Variants in MORN1 observed in about 807,000 individuals in gnomAD.
MORN1 encodes the protein MORN repeat-containing protein 1.
Under a neutral mutation model 61.9 loss-of-function variants are expected in MORN1, and 67 were observed. The ratio of observed to expected loss-of-function variants is 1.08; its 90% CI spans 0.89 to 1.33. The LOEUF is 1.33. MORN1 is among the 40% of genes most tolerant of loss of function. The pLI is 0.00. For synonymous variants in MORN1, 301 were observed against 292.0 expected (o/e 1.03, Z -0.31); for missense variants, 752 against 691.2 (o/e 1.09, Z -0.99).
At chr1:2,344,770 A>T (rs1243960981) in intron 10 of MORN1, among the ~76,000 whole-genome samples, 1 of 152,178 alleles carries the variant, frequency 6.6e-6, no homozygotes, top group Non-Finnish European at 1.5e-5. Context: ...CTGCCTGCAG[A>T]GCCTGGGGGC....
Position 2,372,642 on chromosome 1 carries a change from C to G in MORN1, c.635-51G>C. On this transcript the variant is annotated intron_variant, in intron 7 of 13. Transcript: ENST00000378531. The surrounding 1 kb of genome is among the most constrained non-coding windows in gnomAD (Gnocchi z 5.4). Reference sequence around the variant, plus strand: ...AGCGGTGACTGGCATGGTCCCCCACCCACCCCATGGCTGAGTCAGCAGTGG... The same window carrying G: ...AGCGGTGACTGGCATGGTCCCCCACGCACCCCATGGCTGAGTCAGCAGTGG... 6.9e-7 allele frequency: 1 copy of G among 1,458,804 alleles called. No homozygotes were observed. The highest frequency in any genetic ancestry group is 9.5e-7 in the Non-Finnish European group (1 of 1,055,958). The allele number at this position is 1,458,804 out of a possible 1,614,324, so 90.4% of individuals were successfully genotyped here.
chr1:2,380,234 C>T (rs956761146), intron 6 of MORN1, among the ~76,000 whole-genome samples: 27 of 152,272 alleles, frequency 1.8e-4, no homozygotes, highest in African/African-American at 6.3e-4. Context: ...GTGGGGAGTT[C>T]GTGCTGGATG....
Position 2,321,763 on chromosome 1 carries a change from G to A in MORN1, c.1298-184C>T, listed in dbSNP as rs145386229. Among the ~76,000 whole-genome samples the A allele has an allele frequency of 5.1e-3, 774 of 152,242 alleles. 7 individuals carry two copies. The highest frequency in any genetic ancestry group is 0.018 in the African/African-American group (738 of 41,536). Reference sequence around the variant, plus strand: ...GACTGGCCACCGGACCGGTCCTGGGGGGCTGGACACACAGTCAGCATAGGT... The same window carrying A: ...GACTGGCCACCGGACCGGTCCTGGGAGGCTGGACACACAGTCAGCATAGGT... On this transcript the variant is annotated intron_variant, in intron 13 of 13. Coordinates refer to ENST00000378531, the MANE Select transcript of MORN1 (RefSeq NM_024848.3).
chr1:2,336,568 G>A lies in MORN1; in HGVS notation c.1171-20C>T. ...TGCCTTCTAGAAAGATTGGGCAGGAGGAGGGGAGAAGGAAAGGCTCAGAAG... is the reference window on the plus strand; with the variant it reads ...TGCCTTCTAGAAAGATTGGGCAGGAAGAGGGGAGAAGGAAAGGCTCAGAAG... On this transcript the variant is annotated intron_variant, in intron 11 of 13. Transcript: ENST00000378531. The A allele has an allele frequency of 1.2e-6, 2 of 1,611,986 alleles. No homozygotes were observed. The highest frequency in any genetic ancestry group is 1.1e-5 in the South Asian group (1 of 90,986).
Position 2,372,649 on chromosome 1 carries a change from A to C in MORN1, c.635-58T>G. ...ACTGGCATGGTCCCCCACCCACCCC[A>C]TGGCTGAGTCAGCAGTGGGCACCCC... On this transcript the variant is annotated intron_variant, in intron 7 of 13. Coordinates refer to ENST00000378531, the MANE Select transcript of MORN1 (RefSeq NM_024848.3). This position sits in a 1 kb window ranked among gnomAD's most constrained non-coding sequence, Gnocchi z 5.4. 1 of 1,401,000 alleles carries C rather than the reference A, an allele frequency of 7.1e-7. No homozygotes were observed. Among genetic ancestry groups the C allele is most frequent in the Non-Finnish European group, 9.9e-7 (1 of 1,009,662 alleles). The allele number at this position is 1,401,000 out of a possible 1,614,324, so 86.8% of individuals were successfully genotyped here. A position where few individuals can be genotyped will look rare whatever the true frequency, so the allele number is the denominator to read the frequency against.
chr1:2,370,203 C>T lies in MORN1; in HGVS notation c.745+2278G>A, dbSNP rs192013586. On this transcript the variant is annotated intron_variant, in intron 8 of 13. Transcript: ENST00000378531. ...CAGGCATCAACCCTGACTCTTAGGGCTGACTGATTTTCAACCAAGGTGCCA... is the reference window on the plus strand; with the variant it reads ...CAGGCATCAACCCTGACTCTTAGGGTTGACTGATTTTCAACCAAGGTGCCA... Among the ~76,000 whole-genome samples the T allele has an allele frequency of 7.9e-5, 12 of 152,290 alleles. No homozygotes were observed. In the East Asian group the frequency reaches 2.1e-3, roughly 27 times the overall value.
chr1:2,341,555 G>A (rs915636498), intron 10 of MORN1, among the ~76,000 whole-genome samples: 3 of 152,170 alleles, frequency 2.0e-5, no homozygotes, highest in Admixed American at 6.5e-5. Context: ...GCCAGGTGTG[G>A]TGGCAGGTGC....
chr1:2,340,052 G>A (rs965344032), intron 10 of MORN1, among the ~76,000 whole-genome samples: 1 of 152,234 alleles, frequency 6.6e-6, no homozygotes, highest in Non-Finnish European at 1.5e-5. Context: ...TGACATCAGG[G>A]TGGCCCTGGC....
At chr1:2,332,655 C>T (rs1349033939) in intron 12 of MORN1, 8 of 456,470 alleles carry the variant, frequency 1.8e-5, no homozygotes, top group East Asian at 6.9e-5. Flanking sequence ...GTCACACTCC[C>T]GTCTCACTTG....
At chr1:2,380,651 C>A (rs905257266) in intron 6 of MORN1, among the ~76,000 whole-genome samples, 1 of 152,032 alleles carries the variant, frequency 6.6e-6, no homozygotes, top group African/African-American at 2.4e-5. Flanking sequence ...TTCAAGCGAT[C>A]CTCCCTCCTC....
At chr1:2,351,515 C>G (rs1272449274) in intron 10 of MORN1, 1 of 178,392 alleles carries the variant, frequency 5.6e-6, no homozygotes, top group Non-Finnish European at 1.2e-5. Flanking sequence ...GCCATTCTCC[C>G]CTTCTCCTCC....
intron 5 of MORN1, 45 bp from the exon 6 acceptor site, chr1:2,385,110 G>T: frequency 3.9e-6 from 6 of 1,543,720 alleles, no homozygotes; most frequent in Non-Finnish European, 5.3e-6. Context: ...GGGGGAGCCG[G>T]GTGGTGGCAG....
chr1:2,341,318 C>A (rs539604438), intron 10 of MORN1, among the ~76,000 whole-genome samples: 85 of 152,302 alleles, frequency 5.6e-4, no homozygotes, highest in African/African-American at 1.9e-3. Context: ...ACCTGCCCCC[C>A]AACATCACCC....
intron 10 of MORN1, among the ~76,000 whole-genome samples, chr1:2,349,937 C>T (rs1250919988): frequency 2.0e-5 from 3 of 152,212 alleles, no homozygotes; most frequent in Non-Finnish European, 4.4e-5. Flanking sequence ...CTCACGGCTG[C>T]GGCCTCTCTA....
intron 8 of MORN1, among the ~76,000 whole-genome samples, chr1:2,360,760 T>C (rs544917937): frequency 6.6e-6 from 1 of 152,184 alleles, no homozygotes; most frequent in Admixed American, 6.5e-5. Flanking sequence ...TCTGAAGAAT[T>C]AAGAGGGACC....
intron 12 of MORN1, among the ~76,000 whole-genome samples, chr1:2,328,789 G>A (rs920082050): frequency 1.3e-5 from 2 of 152,080 alleles, no homozygotes; most frequent in African/African-American, 2.4e-5. Context: ...CTCCTCTCCC[G>A]GGGAGCACAG....
chr1:2,382,455 G>C (rs111576152), intron 6 of MORN1, among the ~76,000 whole-genome samples: 227 of 152,310 alleles, frequency 1.5e-3, no homozygotes, highest in African/African-American at 5.0e-3. Flanking sequence ...CCACACACCC[G>C]AGCCCAAGCT....
In MORN1 at chr1:2,324,134, C is replaced by A. The variant is rs1280807345; in HGVS notation, c.1260G>T (p.Gly420=). ...CCGCAGCCTGCTCCTCCGTGGCTCT[C>A]CCCTCAGGCCTGTGGAGACGACACA... ...QEPPGGSRPE[G]RATEEQAAAA... The change falls in exon 13 of 14, where the codon GGG becomes GGT. Residue 420 remains glycine (G), a synonymous_variant. Coordinates refer to ENST00000378531, the MANE Select transcript of MORN1 (RefSeq NM_024848.3). 1.4e-5 allele frequency: 22 copies of A among 1,599,746 alleles called. No individual in the cohort carries two copies. The highest frequency in any genetic ancestry group is 1.6e-5 in the Non-Finnish European group (19 of 1,174,552).
At chr1:2,322,441 G>T in intron 13 of MORN1, 3 of 985,414 alleles carry the variant, frequency 3.0e-6, no homozygotes, top group Non-Finnish European at 3.6e-6. Flanking sequence ...CCCTCGCAGA[G>T]CGGCGGCCTC....
Sources: gnomAD v4.1 joint callset for allele counts (sites outside exome capture counted in the v4.1 genomes callset) on GRCh38, gnomAD v4.1.1 for gene constraint, Gnocchi (gnomAD v3.1) non-coding constraint, MANE v1.5 for transcripts, NCBI Gene and HGNC (gene_info 2026-07-23, HGNC 2026-07-21) for gene names.